Variants in SETDB1 observed in about 807,000 individuals in gnomAD.
SETDB1 encodes histone-lysine N-methyltransferase SETDB1.
SETDB1 carries 31 observed loss-of-function variants against 137.4 expected under a neutral mutation model. That is an observed-to-expected ratio of 0.23 (90% CI 0.17 to 0.30). The LOEUF is 0.30. Ranked by LOEUF, SETDB1 falls within the 10% of genes least tolerant of loss-of-function variation. The probability of loss-of-function intolerance (pLI) is 1.00; values close to 1 mark genes in which losing one functional copy is unlikely to be tolerated. For missense variants in SETDB1, 1,113 were observed against 1,631.5 expected (o/e 0.68, Z 5.47); for synonymous variants, 548 against 579.9 (o/e 0.95, Z 0.79).
At chr1:150,958,231 T>C (rs1490796874) in intron 14 of SETDB1, among the ~76,000 whole-genome samples, 1 of 143,690 alleles carries the variant, frequency 7.0e-6, no homozygotes, top group African/African-American at 2.5e-5. Context: ...ATGACCTTTT[T>C]TTTTTTCTTT....
chr1:150,939,151 C>G (rs1403495759), intron 3 of SETDB1, among the ~76,000 whole-genome samples: 1 of 151,424 alleles, frequency 6.6e-6, no homozygotes, highest in Non-Finnish European at 1.5e-5. Context: ...TTGGTTTCAC[C>G]ATGTTGCCCA....
intron 3 of SETDB1, 68 bp from the exon 4 acceptor site, chr1:150,939,872 G>C: frequency 8.7e-7 from 1 of 1,155,192 alleles, no homozygotes; most frequent in Non-Finnish European, 1.3e-6. Context: ...GAGTAAGTTA[G>C]TTCTTAATTT....
At chr1:150,946,842 G>T (rs1670347659) in intron 9 of SETDB1, 44 bp from the exon 10 acceptor site, 1 of 1,610,634 alleles carries the variant, frequency 6.2e-7, no homozygotes, top group Admixed American at 1.7e-5. Context: ...ATAGATTCTA[G>T]CCTTTAAGCT....
rs201447183 is a variant in SETDB1, at chr1:150,962,670, G to A, written c.3245G>A (p.Ser1082Asn). 2.5e-6 allele frequency: 4 copies of A among 1,614,070 alleles called. No homozygotes were observed. The highest frequency in any genetic ancestry group is 2.5e-6 in the Non-Finnish European group (3 of 1,179,954). Residue 1082 changes from serine (S) to asparagine (N), a missense_variant, in exon 18 of 22, where the codon AGT becomes AAT. Around this residue, in one of 11 missense-constraint regions of SETDB1, gnomAD observed 373 missense variants for 412.7 expected, o/e 0.90. Transcript: ENST00000692827. ...EGLRRPPSKT[S>N]MHQSRRLMAS... ...CTTCGCCGCCCACCTAGTAAGACTA[G>A]TATGCATCAAAGCCGAAGACTCATG...
chr1:150,935,360 T>A (rs1392280915), intron 3 of SETDB1, among the ~76,000 whole-genome samples: 2 of 152,286 alleles, frequency 1.3e-5, no homozygotes, highest in East Asian at 3.9e-4. Context: ...CCATTTAACT[T>A]CTTGGGTATG....
chr1:150,939,104 G>A (rs907859169), intron 3 of SETDB1, among the ~76,000 whole-genome samples: 3 of 151,296 alleles, frequency 2.0e-5, no homozygotes, highest in Admixed American at 1.3e-4. Flanking sequence ...CTGCTACCAC[G>A]CTTGGCTAAT....
intron 14 of SETDB1, among the ~76,000 whole-genome samples, chr1:150,957,861 G>A (rs587715947): frequency 6.6e-5 from 10 of 152,098 alleles, no homozygotes; most frequent in African/African-American, 1.9e-4. Flanking sequence ...GAGCCACTGC[G>A]CCTGGCCCAA....
At position 150,964,467 on chromosome 1, in the gene SETDB1, C is replaced by T; in HGVS notation, c.*103C>T. ...CCGAAGTCTCTGGGCTAGCTACTCCCCCCAGCTCCTAGTTGATAGAAATGG... is the reference window on the plus strand; with the variant it reads ...CCGAAGTCTCTGGGCTAGCTACTCCTCCCAGCTCCTAGTTGATAGAAATGG... On this transcript the variant is annotated 3_prime_UTR_variant, in exon 22 of 22. Coordinates refer to ENST00000692827, the MANE Select transcript of SETDB1 (RefSeq NM_001366418.1). The T allele has an allele frequency of 1.2e-6, 1 of 807,244 alleles. No individual in the cohort carries two copies. The highest frequency in any genetic ancestry group is 1.4e-5 in the South Asian group (1 of 69,560). The allele number at this position is 807,244 out of a possible 1,614,324, so 50.0% of individuals were successfully genotyped here. A position where few individuals can be genotyped will look rare whatever the true frequency, so the allele number is the denominator to read the frequency against.
chr1:150,949,368 A>C lies in SETDB1; in HGVS notation c.1426A>C (p.Ser476Arg). ...PLSPQAGDSE[S>R]LESQLAQSRK... ...ATGCCCTCTTCTCTAATCTCCTAGA[A>C]GCTTGGAAAGCCAGCTTGCCCAGTC... Residue 476 changes from serine (S) to arginine (R), a missense_variant and splice_region_variant, in exon 12 of 22, where the codon AGC (serine) becomes CGC (arginine). Ser to Arg is a moderately radical substitution (Grantham distance 110, BLOSUM62 -1). Transcript: ENST00000692827. 6.2e-7 allele frequency: 1 copy of C among 1,614,172 alleles called. No individual in the cohort carries two copies. The highest frequency in any genetic ancestry group is 8.5e-7 in the Non-Finnish European group (1 of 1,180,010).
At chr1:150,927,557 C>G in intron 1 of SETDB1, 147 bp from the exon 2 acceptor site, 1 of 679,970 alleles carries the variant, frequency 1.5e-6, no homozygotes, top group Non-Finnish European at 2.4e-6. Context: ...GCATCAGATT[C>G]TGGAGAATAG....
intron 3 of SETDB1, among the ~76,000 whole-genome samples, chr1:150,938,955 T>C (rs1453993051): frequency 8.6e-5 from 13 of 151,344 alleles, no homozygotes; most frequent in Admixed American, 7.9e-4. Context: ...ATCACGCCAC[T>C]GCACTCCACT....
intron 7 of SETDB1, 74 bp from the exon 8 acceptor site, chr1:150,943,846 G>A: frequency 1.1e-6 from 1 of 916,196 alleles, no homozygotes; most frequent in Non-Finnish European, 1.8e-6. Flanking sequence ...TAGAAGCTAT[G>A]ATAAAATAAT....
chr1:150,953,480 C>T (rs909786564), intron 14 of SETDB1, among the ~76,000 whole-genome samples: 2 of 151,106 alleles, frequency 1.3e-5, no homozygotes, highest in South Asian at 2.1e-4. Context: ...GAGCCAAGAC[C>T]GCACCATTGC....
At chr1:150,937,090 A>G (rs1669968829) in intron 3 of SETDB1, among the ~76,000 whole-genome samples, 1 of 151,920 alleles carries the variant, frequency 6.6e-6, no homozygotes, top group Non-Finnish European at 1.5e-5. Flanking sequence ...GGGCCACCGC[A>G]CTCCAGCCTG....
At chr1:150,942,013 G>A (rs186527876) in intron 5 of SETDB1, among the ~76,000 whole-genome samples, 2 of 151,734 alleles carry the variant, frequency 1.3e-5, no homozygotes, top group African/African-American at 2.4e-5. Flanking sequence ...GGTGGCGCAC[G>A]CCTGTAATCT....
At chr1:150,958,686 G>A (rs377521542) in intron 14 of SETDB1, among the ~76,000 whole-genome samples, 1 of 151,654 alleles carries the variant, frequency 6.6e-6, no homozygotes, top group Non-Finnish European at 1.5e-5. Context: ...ATTCCCTTTC[G>A]TATCTGTTAT....
intron 9 of SETDB1, 66 bp downstream of exon 9, chr1:150,945,174 G>GAGGAT (rs1670287623): frequency 6.2e-7 from 1 of 1,600,194 alleles, no homozygotes. Context: ...AAGCAGTAAT[G>GAGGAT]AGGATGGTTT....
At chr1:150,960,195 C>T (rs896294951) in intron 15 of SETDB1, among the ~76,000 whole-genome samples, 3 of 151,854 alleles carry the variant, frequency 2.0e-5, no homozygotes, top group African/African-American at 4.8e-5. Flanking sequence ...TCCCCGTGGC[C>T]GGGTGCGGTG....
intron 14 of SETDB1, among the ~76,000 whole-genome samples, chr1:150,955,766 A>G (rs1165635121): frequency 6.6e-6 from 1 of 152,164 alleles, no homozygotes; most frequent in East Asian, 1.9e-4. Flanking sequence ...TAACCATTGT[A>G]TCACCAGTTT....
Sources: gnomAD v4.1 joint callset for allele counts (sites outside exome capture counted in the v4.1 genomes callset) on GRCh38, gnomAD v4.1.1 for gene constraint, gnomAD v4.1.1 regional missense constraint, MANE v1.5 for transcripts, NCBI Gene and HGNC (gene_info 2026-07-23, HGNC 2026-07-21) for gene names.